Variants in VPS35L observed in about 807,000 individuals in gnomAD.
VPS35L encodes the protein VPS35 endosomal protein-sorting factor-like.
VPS35L carries 83 observed loss-of-function variants against 133.0 expected under a neutral mutation model. The ratio of observed to expected loss-of-function variants is 0.62; its 90% CI spans 0.52 to 0.75. The LOEUF is 0.75. Among genes scored for constraint, VPS35L ranks in the 30% least tolerant of loss-of-function variants. The pLI is 0.00. For missense variants in VPS35L, 1,083 were observed against 1,206.8 expected (o/e 0.90, Z 1.52); for synonymous variants, 423 against 449.9 (o/e 0.94, Z 0.76).
chr16:19,638,793 T>C (rs1973698438), intron 20 of VPS35L, among the ~76,000 whole-genome samples: 1 of 152,136 alleles, frequency 6.6e-6, no homozygotes, highest in Non-Finnish European at 1.5e-5. Flanking sequence ...ATTACACTAC[T>C]CTGAGCAATG....
intron 7 of VPS35L, 174 bp downstream of exon 7, chr16:19,581,827 T>C (rs1209658134): frequency 8.9e-6 from 7 of 789,686 alleles, no homozygotes; most frequent in Admixed American, 5.7e-5. Flanking sequence ...TTTTATGAGA[T>C]GGCTAATCCC....
In VPS35L at chr16:19,637,486, T is replaced by C. The variant is rs558046108; in HGVS notation, c.1636-108T>C. ...AATAATTGCAAATTATGAAAGGTGATTGCCTTTTTAAAAAAAAATTTAGGT... is the reference window on the plus strand; with the variant it reads ...AATAATTGCAAATTATGAAAGGTGACTGCCTTTTTAAAAAAAAATTTAGGT... On this transcript the variant is annotated intron_variant, in intron 19 of 30. Transcript: ENST00000417362. 688 of 709,734 alleles carry C rather than the reference T, an allele frequency of 9.7e-4. 17 individuals are homozygous for C. In the South Asian group the frequency reaches 0.013, roughly 13 times the overall value. The allele number at this position is 709,734 out of a possible 1,614,324, so 44.0% of individuals were successfully genotyped here.
intron 3 of VPS35L, among the ~76,000 whole-genome samples, chr16:19,570,834 CATATATATATATAT>C (rs58794831): frequency 0.02 from 1,584 of 78,670 alleles, 54 homozygotes; most frequent in Middle Eastern, 0.059. Flanking sequence ...TGCTGTGTTT[CATATATATATATAT>C]ATATATATAT....
intron 26 of VPS35L, among the ~76,000 whole-genome samples, chr16:19,660,215 C>T (rs1432408021): frequency 6.6e-6 from 1 of 151,808 alleles, no homozygotes; most frequent in African/African-American, 2.4e-5. Flanking sequence ...GTCCCAGCTA[C>T]TCGGGAGGCT....
chr16:19,573,853 AG>A (rs1327876004), intron 4 of VPS35L, among the ~76,000 whole-genome samples: 1 of 152,152 alleles, frequency 6.6e-6, no homozygotes, highest in Non-Finnish European at 1.5e-5. Context: ...AAATGAATTA[AG>A]GGAGGAGAGC....
At chr16:19,627,139 C>T (rs905707440) in intron 15 of VPS35L, among the ~76,000 whole-genome samples, 6 of 151,916 alleles carry the variant, frequency 3.9e-5, no homozygotes, top group Admixed American at 1.3e-4. Context: ...TAAAATTAGC[C>T]GAGCATGGTG....
At chr16:19,614,192 A>G (rs1209038172) in intron 12 of VPS35L, among the ~76,000 whole-genome samples, 2 of 152,204 alleles carry the variant, frequency 1.3e-5, no homozygotes, top group East Asian at 3.8e-4. Context: ...TGGAAGGAGA[A>G]TCAGAACACT....
chr16:19,573,962 T>C (rs36109220), intron 4 of VPS35L, among the ~76,000 whole-genome samples: 1 of 152,036 alleles, frequency 6.6e-6, no homozygotes, highest in Non-Finnish European at 1.5e-5. Context: ...GGCCATTAGG[T>C]GAAGTAGTTG....
At chr16:19,582,517 A>C (rs1271771058) in intron 7 of VPS35L, among the ~76,000 whole-genome samples, 2 of 152,168 alleles carry the variant, frequency 1.3e-5, no homozygotes, top group African/African-American at 4.8e-5. Flanking sequence ...TTGGTATTTC[A>C]TGATGGGAGG....
At chr16:19,689,479 C>T (rs1455829398) in intron 28 of VPS35L, among the ~76,000 whole-genome samples, 2 of 151,946 alleles carry the variant, frequency 1.3e-5, no homozygotes, top group Admixed American at 1.3e-4. Context: ...ATCATGTTGG[C>T]CAGGCTGGTC....
In VPS35L at chr16:19,559,514, G is replaced by A. The variant is rs141089512; in HGVS notation, c.17+3768G>A. Among the ~76,000 whole-genome samples the A allele has an allele frequency of 5.9e-3, 901 of 152,200 alleles. 16 individuals are homozygous for A. Among genetic ancestry groups the A allele is most frequent in the African/African-American group, 0.021 (859 of 41,512 alleles). ...CAAAAAGAAAAGGAATGATTTTTGA[G>A]AAAATGCCCACAAGAGGTCGCTGTT... On this transcript the variant is annotated intron_variant, in intron 1 of 30. Transcript: ENST00000417362.
intron 27 of VPS35L, among the ~76,000 whole-genome samples, chr16:19,679,835 A>G (rs538566379): frequency 4.9e-4 from 75 of 152,352 alleles, no homozygotes; most frequent in Non-Finnish European, 1.0e-3. Flanking sequence ...ACAGATATTA[A>G]CAGCTTGTAC....
intron 10 of VPS35L, 107 bp from the exon 11 acceptor site, chr16:19,608,867 C>G (rs1166942761): frequency 1.1e-6 from 1 of 881,382 alleles, no homozygotes; most frequent in Non-Finnish European, 1.8e-6. Flanking sequence ...CCACTGTGGT[C>G]CCCATCTCCT....
chr16:19,633,696 T>C lies in VPS35L; in HGVS notation c.1635+524T>C, dbSNP rs575246830. Among the ~76,000 whole-genome samples, 12 of 152,150 alleles carry C rather than the reference T, an allele frequency of 7.9e-5. No homozygotes were observed. The highest frequency in any genetic ancestry group is 1.6e-4 in the Non-Finnish European group (11 of 68,032). ...AGCTCAAAGAATTCCTATTATTCTT[T>C]AACCAGATTTACTAGCTGTTAACAT... On this transcript the variant is annotated intron_variant, in intron 19 of 30. Transcript: ENST00000417362. This position sits in a 1 kb window ranked among gnomAD's most constrained non-coding sequence, Gnocchi z 4.1.
chr16:19,687,064 CCT>C (rs1239913238), intron 28 of VPS35L, among the ~76,000 whole-genome samples: 2 of 152,186 alleles, frequency 1.3e-5, no homozygotes, highest in Admixed American at 6.5e-5. Flanking sequence ...CAGACTGTGA[CCT>C]CTGTGTCTGT....
chr16:19,620,287 A>G (rs765361610), intron 14 of VPS35L, among the ~76,000 whole-genome samples: 3 of 152,206 alleles, frequency 2.0e-5, no homozygotes, highest in Non-Finnish European at 2.9e-5. Context: ...CTCCAACTCC[A>G]TATATATTGG....
In VPS35L at chr16:19,633,227, T is replaced by C; in HGVS notation, c.1635+55T>C. 1 of 1,501,886 alleles carries C rather than the reference T, an allele frequency of 6.7e-7. No homozygotes were observed. The highest frequency in any genetic ancestry group is 9.3e-7 in the Non-Finnish European group (1 of 1,078,138). 93.0% of individuals were successfully genotyped at this position (1,501,886 alleles called of 1,614,324 possible). A position where few individuals can be genotyped will look rare whatever the true frequency, so the allele number is the denominator to read the frequency against. On this transcript the variant is annotated intron_variant, in intron 19 of 30. Transcript: ENST00000417362. This position sits in a 1 kb window ranked among gnomAD's most constrained non-coding sequence, Gnocchi z 4.1. ...TTGTTAGGAATTTTGTTCTGTTGAATTAAATAGGCGTGTTGTATGGGTCAG... is the reference window on the plus strand; with the variant it reads ...TTGTTAGGAATTTTGTTCTGTTGAACTAAATAGGCGTGTTGTATGGGTCAG...
At chr16:19,640,221 C>A in intron 21 of VPS35L, 121 bp downstream of exon 21, 1 of 836,906 alleles carries the variant, frequency 1.2e-6, no homozygotes, top group South Asian at 1.9e-5. Context: ...TACAGAAAAC[C>A]ACACTGGAAG....
chr16:19,576,222 G>A (rs1344270714), intron 5 of VPS35L, among the ~76,000 whole-genome samples: 3 of 150,380 alleles, frequency 2.0e-5, no homozygotes, highest in Admixed American at 2.0e-4. Context: ...TAAAACGTAA[G>A]CTTACTGTTT....
Sources: allele counts gnomAD v4.1 joint callset (sites outside exome capture counted in the v4.1 genomes callset), GRCh38; gene constraint gnomAD v4.1.1; non-coding constraint Gnocchi (gnomAD v3.1); transcripts MANE v1.5; gene names NCBI Gene and HGNC (gene_info 2026-07-23, HGNC 2026-07-21).